Variants in PRKAG3 observed in about 807,000 individuals in gnomAD.
PRKAG3 encodes the protein 5'-AMP-activated protein kinase subunit gamma-3.
Under a neutral mutation model 56.5 loss-of-function variants are expected in PRKAG3, and 39 were observed. The ratio of observed to expected loss-of-function variants is 0.69; its 90% confidence interval spans 0.53 to 0.90. The LOEUF is 0.90. Ranked by LOEUF, PRKAG3 falls within the 40% of genes least tolerant of loss-of-function variation. The pLI is 0.00. For missense variants in PRKAG3, 628 were observed against 627.5 expected (o/e 1.00, Z -0.01); for synonymous variants, 243 against 250.1 (o/e 0.97, Z 0.27).
chr2:218,829,858 T>C, intron 4 of PRKAG3, 120 bp downstream of exon 4: 1 of 1,249,112 alleles, frequency 8.0e-7, no homozygotes, highest in Non-Finnish European at 1.1e-6. Context: ...TAAGAAGGAG[T>C]CCTTTCAGGG....
chr2:218,824,608 G>A (rs776059633), intron 10 of PRKAG3, 32 bp from the exon 11 acceptor site: 6 of 1,580,000 alleles, frequency 3.8e-6, no homozygotes, highest in Non-Finnish European at 4.4e-6. Flanking sequence ...GGTGGGGGGA[G>A]AAAGACAGGG....
exon 13 of PRKAG3, chr2:218,823,844 T>C (rs932914519): frequency 6.2e-7 from 1 of 1,613,988 alleles, no homozygotes; most frequent in African/African-American, 1.3e-5. Flanking sequence ...GCCCAAGAGA[T>C]GCTGGGTCTC....
chr2:218,823,565 C>T lies in PRKAG3; in HGVS notation c.*197G>A. The T allele has an allele frequency of 3.4e-6, 4 of 1,183,968 alleles. No individual in the cohort carries two copies. The South Asian group carries it at 4.2e-5, about 12-fold the overall frequency. The allele number at this position is 1,183,968 out of a possible 1,614,324, so 73.3% of individuals were successfully genotyped here. ...GCTCAGCTTTGAGCTTGGCCACTCC[C>T]ATCCTCAGGGTGTCCCAATCTGAGA... On this transcript the variant is annotated 3_prime_UTR_variant, in exon 13 of 13. Transcript: ENST00000529249.
Position 218,827,900 on chromosome 2 carries a change from C to T in PRKAG3, c.775-22G>A, listed in dbSNP as rs368665841. ...GGACCTAGAGACATCGACAGGACTC[C>T]AGAAGTCAGAAAGACGTGGGCTTCT... On this transcript the variant is annotated intron_variant, in intron 6 of 12. Transcript: ENST00000529249. The surrounding 1 kb of genome is among the most constrained non-coding windows in gnomAD (Gnocchi z 5.3). The T allele has an allele frequency of 5.0e-6, 8 of 1,613,780 alleles. No homozygotes were observed. Among genetic ancestry groups the T allele is most frequent in the Non-Finnish European group, 5.9e-6 (7 of 1,179,850 alleles).
Position 218,831,000 on chromosome 2 carries a change from G to A in PRKAG3, c.74-99C>T, listed in dbSNP as rs1342087379. 38 of 1,363,388 alleles carry A rather than the reference G, an allele frequency of 2.8e-5. 1 individual carries two copies. The highest frequency in any genetic ancestry group is 2.7e-4 in the Admixed American group (16 of 59,420). The allele number at this position is 1,363,388 out of a possible 1,614,324, so 84.5% of individuals were successfully genotyped here. ...CTTTAGGATTTGCAAGCTTCCAATGGGCTTTTCTCCAACATATTTCTCATT... is the reference window on the plus strand; with the variant it reads ...CTTTAGGATTTGCAAGCTTCCAATGAGCTTTTCTCCAACATATTTCTCATT... On this transcript the variant is annotated intron_variant, in intron 2 of 12. Transcript: ENST00000529249.
intron 5 of PRKAG3, 103 bp downstream of exon 5, chr2:218,828,416 T>C: frequency 7.7e-7 from 1 of 1,291,722 alleles, no homozygotes; most frequent in Non-Finnish European, 1.1e-6. Flanking sequence ...GGGCTTGGCC[T>C]GAAGCCAAGC....
In PRKAG3 at chr2:218,827,429, C is replaced by T; in HGVS notation, c.876-56G>A. 2 of 1,612,706 alleles carry T rather than the reference C, an allele frequency of 1.2e-6. No individual in the cohort carries two copies. The highest frequency in any genetic ancestry group is 1.7e-6 in the Non-Finnish European group (2 of 1,178,946). On this transcript the variant is annotated intron_variant, in intron 8 of 12. Transcript: ENST00000529249. This position sits in a 1 kb window ranked among gnomAD's most constrained non-coding sequence, Gnocchi z 5.3. Reference sequence around the variant, plus strand: ...CAGCCTAGGGAGAGACAACCTCCATCCCAGGCCCCTAAAAAGGAGGGCAGG... The same window carrying T: ...CAGCCTAGGGAGAGACAACCTCCATTCCAGGCCCCTAAAAAGGAGGGCAGG...
At chr2:218,828,738 G>GATACGGC in intron 4 of PRKAG3, 138 bp from the exon 5 acceptor site, 7 of 651,178 alleles carry the variant, frequency 1.1e-5, no homozygotes, top group South Asian at 2.0e-5. Flanking sequence ...GCCTTCTCCT[G>GATACGGC]GACCCTCCTC....
exon 4 of PRKAG3, chr2:218,830,290 C>A (rs1202803453): frequency 6.2e-7 from 1 of 1,613,388 alleles, no homozygotes; most frequent in Admixed American, 1.7e-5. Context: ...GTGGAGTGCC[C>A]ACCCCGGCAG....
rs1559399675 is a variant in PRKAG3 at position 218,831,395 on chromosome 2, T to C, written c.34-20A>G. 1.9e-5 allele frequency: 31 copies of C among 1,592,666 alleles called. No homozygotes were observed. The highest frequency in any genetic ancestry group is 2.5e-5 in the Non-Finnish European group (29 of 1,169,280). On this transcript the variant is annotated intron_variant, in intron 1 of 12. Transcript: ENST00000529249. ...AGGGGTCTGTGGGGAGAAGAGTTTC[T>C]GAAGGAGTGGGGAAAGTGCCTTACA...
chr2:218,824,603 G>A (rs541502121), intron 10 of PRKAG3, 27 bp from the exon 11 acceptor site: 4 of 1,596,044 alleles, frequency 2.5e-6, no homozygotes, highest in East Asian at 4.5e-5. Context: ...TGGGGGGTGG[G>A]GGGAGAAAGA....
Position 218,827,569 on chromosome 2 carries a change from A to G in PRKAG3, c.875+6T>C, listed in dbSNP as rs766651539. 1 of 1,613,322 alleles carries G rather than the reference A, an allele frequency of 6.2e-7. No homozygotes were observed. Among genetic ancestry groups the G allele is most frequent in the South Asian group, 1.1e-5 (1 of 91,050 alleles). ...GAGGCTCAGGTGAATGAGCAGAGAC[A>G]CCCACCTATCATTAGGAGAGATGGA... On this transcript the variant is annotated splice_donor_region_variant and intron_variant, in intron 8 of 12. Transcript: ENST00000529249. The surrounding 1 kb of genome is among the most constrained non-coding windows in gnomAD (Gnocchi z 5.3).
exon 3 of PRKAG3, chr2:218,830,787 T>G: frequency 6.2e-7 from 1 of 1,613,136 alleles, no homozygotes; most frequent in Non-Finnish European, 8.5e-7. Flanking sequence ...CACCGACTTC[T>G]GCCTTGTCCA....
Position 218,827,687 on chromosome 2 carries a change from C to A in PRKAG3, c.821-58G>T. On this transcript the variant is annotated intron_variant, in intron 7 of 12. Transcript: ENST00000529249. The surrounding 1 kb of genome is among the most constrained non-coding windows in gnomAD (Gnocchi z 5.3). The stretch of plus-strand genomic sequence containing the variant: ...CCGGTCACCTGCCTCACCTTGCAGT[C>A]CCAGGCAGCTTCCCTTCCGTCAGGC... 1.3e-6 allele frequency: 2 copies of A among 1,591,238 alleles called. No individual in the cohort carries two copies. The highest frequency in any genetic ancestry group is 8.6e-7 in the Non-Finnish European group (1 of 1,159,496).
rs755945669 is a variant in PRKAG3, at chr2:218,827,801, A to G, written c.820+32T>C. 6.9e-7 allele frequency: 1 copy of G among 1,456,482 alleles called. No individual in the cohort carries two copies. The highest frequency in any genetic ancestry group is 9.0e-7 in the Non-Finnish European group (1 of 1,106,910). 90.2% of individuals were successfully genotyped at this position (1,456,482 alleles called of 1,614,324 possible). On this transcript the variant is annotated intron_variant, in intron 7 of 12. Transcript: ENST00000529249. This position sits in a 1 kb window ranked among gnomAD's most constrained non-coding sequence, Gnocchi z 5.3. Reference sequence around the variant, plus strand: ...CTTAAGCCCTGGCCCACCATCACCAACAGCCCTTTCCGGGTTCCTCTCCCC... The same window carrying G: ...CTTAAGCCCTGGCCCACCATCACCAGCAGCCCTTTCCGGGTTCCTCTCCCC...
At chr2:218,828,439 A>C in intron 5 of PRKAG3, 80 bp downstream of exon 5, 1 of 1,391,662 alleles carries the variant, frequency 7.2e-7, no homozygotes, top group African/African-American at 1.4e-5. Flanking sequence ...GTGGTATATC[A>C]GAGATCAGCC....
chr2:218,829,580 C>A (rs1216089826), intron 4 of PRKAG3, among the ~76,000 whole-genome samples: 4 of 152,070 alleles, frequency 2.6e-5, no homozygotes, highest in Non-Finnish European at 4.4e-5. Flanking sequence ...CCCACCTCGA[C>A]CTCCTAAAGT....
Position 218,827,963 on chromosome 2 carries a change from G to A in PRKAG3, c.774+41C>T, listed in dbSNP as rs144366038. 182 of 1,593,246 alleles carry A rather than the reference G, an allele frequency of 1.1e-4. 1 individual carries two copies. The East Asian group carries it at 2.8e-3, about 24-fold the overall frequency. On this transcript the variant is annotated intron_variant, in intron 6 of 12. Transcript: ENST00000529249. The surrounding 1 kb of genome is among the most constrained non-coding windows in gnomAD (Gnocchi z 5.3). ...TCCAGGAGGACTCCCCTCCGCCCCC[G>A]CCCCTCTGGGTGCCCATAAGATTCC...
rs1474629645 is a variant in PRKAG3, at chr2:218,827,774, A to C, written c.820+59T>G. The C allele has an allele frequency of 5.4e-5, 85 of 1,578,864 alleles. No individual in the cohort carries two copies. Among genetic ancestry groups the C allele is most frequent in the South Asian group, 7.8e-5 (7 of 89,968 alleles). The stretch of plus-strand genomic sequence containing the variant: ...AGGACATCCCCACTGCCCATCCTCC[A>C]CCTTAAGCCCTGGCCCACCATCACC... On this transcript the variant is annotated intron_variant, in intron 7 of 12. Coordinates refer to ENST00000529249, the Ensembl canonical transcript of PRKAG3. This position sits in a 1 kb window ranked among gnomAD's most constrained non-coding sequence, Gnocchi z 5.3.
Sources: allele counts gnomAD v4.1 joint callset (sites outside exome capture counted in the v4.1 genomes callset), GRCh38; gene constraint gnomAD v4.1.1; non-coding constraint Gnocchi (gnomAD v3.1); transcripts MANE v1.5; gene names NCBI Gene and HGNC (gene_info 2026-07-23, HGNC 2026-07-21).